The following SP1 variants were observed in gnomAD, a reference collection of about 807,000 sequenced individuals.
SP1 encodes the protein Sp1 transcription factor.
Under a neutral mutation model 66.3 loss-of-function variants are expected in SP1, and 6 were observed. The observed-to-expected ratio is 0.09, with a 90% confidence interval of 0.05 to 0.18. SP1 has a LOEUF of 0.18. Ranked by LOEUF, SP1 falls within the 10% of genes least tolerant of loss-of-function variation. The pLI is 1.00. For synonymous variants in SP1, 417 were observed against 360.8 expected (o/e 1.16, Z -1.77); for missense variants, 848 against 964.5 (o/e 0.88, Z 1.60).
intron 3 of SP1, among the ~76,000 whole-genome samples, chr12:53,403,414 A>G (rs1319609557): frequency 1.3e-5 from 2 of 152,050 alleles, no homozygotes; most frequent in East Asian, 1.9e-4. Flanking sequence ...ATGCAGTTGT[A>G]CAATCAGGAC....
chr12:53,404,806 G>A (rs2136914707), intron 3 of SP1, among the ~76,000 whole-genome samples: 1 of 151,974 alleles, frequency 6.6e-6, no homozygotes, highest in South Asian at 2.1e-4. Context: ...GAGTAGCTGG[G>A]ACCATAGGCG....
At chr12:53,394,409 CTTTTTTTTT>C (rs59816754) in intron 3 of SP1, among the ~76,000 whole-genome samples, 1 of 114,880 alleles carries the variant, frequency 8.7e-6, no homozygotes, top group African/African-American at 3.8e-5. Flanking sequence ...TTAAAAGTAT[CTTTTTTTTT>C]TTTTTTTTTT....
At chr12:53,386,355 C>A (rs1215150253) in intron 3 of SP1, among the ~76,000 whole-genome samples, 1 of 152,002 alleles carries the variant, frequency 6.6e-6, no homozygotes, top group Non-Finnish European at 1.5e-5. Context: ...AAGGGAAAAA[C>A]AGTCTGGGAA....
chr12:53,406,451 G>A (rs1464085950), intron 3 of SP1, 134 bp from the exon 4 acceptor site: 1 of 693,442 alleles, frequency 1.4e-6, no homozygotes, highest in African/African-American at 1.8e-5. Flanking sequence ...ACATAAAAAG[G>A]CTTCAAAACT....
chr12:53,401,356 C>A (rs1938606070), intron 3 of SP1, among the ~76,000 whole-genome samples: 1 of 148,532 alleles, frequency 6.7e-6, no homozygotes, highest in Non-Finnish European at 1.5e-5. Flanking sequence ...GAGGCTGAGG[C>A]AGGAGAATCA....
chr12:53,409,230 CAAA>C, intron 4 of SP1, 129 bp from the exon 5 acceptor site: 1 of 745,718 alleles, frequency 1.3e-6, no homozygotes, highest in Non-Finnish European at 2.2e-6. Context: ...CTCAAAAAAA[CAAA>C]AAAGAAGACT....
chr12:53,415,086 G>A lies in SP1; in HGVS notation c.*3846G>A, dbSNP rs572240338. Reference sequence around the variant, plus strand: ...TATGTACAAGGATGAAAGAAAGGTCGCAGCAGTAGCTTTGGGGAAAGGGAG... The same window carrying A: ...TATGTACAAGGATGAAAGAAAGGTCACAGCAGTAGCTTTGGGGAAAGGGAG... On this transcript the variant is annotated 3_prime_UTR_variant, in exon 6 of 6. Transcript: ENST00000327443. 3.3e-5 allele frequency: 5 copies of A among 152,674 alleles called. No individual in the cohort carries two copies. The highest frequency in any genetic ancestry group is 2.1e-4 in the South Asian group (1 of 4,816). The allele number at this position is 152,674 out of a possible 1,614,324, so 9.5% of individuals were successfully genotyped here.
rs1938926618 is a variant in SP1, at chr12:53,413,015, G to A, written c.*1775G>A. 6.6e-6 allele frequency: 1 copy of A among 152,336 alleles called. No individual in the cohort carries two copies. The allele number at this position is 152,336 out of a possible 1,614,324, so 9.4% of individuals were successfully genotyped here. A position where few individuals can be genotyped will look rare whatever the true frequency, so the allele number is the denominator to read the frequency against. ...TTTTCTGCTAGCCAATATTAAAAGAGACCTGCAATAAAAAAATTACCCTGA... is the reference window on the plus strand; with the variant it reads ...TTTTCTGCTAGCCAATATTAAAAGAAACCTGCAATAAAAAAATTACCCTGA... On this transcript the variant is annotated 3_prime_UTR_variant, in exon 6 of 6. Coordinates refer to ENST00000327443, the MANE Select transcript of SP1 (RefSeq NM_138473.3).
intron 3 of SP1, among the ~76,000 whole-genome samples, chr12:53,392,434 G>T (rs1458215997): frequency 7.8e-5 from 11 of 140,302 alleles, no homozygotes; most frequent in Non-Finnish European, 1.2e-4. Flanking sequence ...TCGGCTCACT[G>T]CAAGCTCCGC....
rs1938975090 is a variant in SP1, at chr12:53,415,386, A to T, written c.*4146A>T. 1 of 152,324 alleles carries T rather than the reference A, an allele frequency of 6.6e-6. No homozygotes were observed. 9.4% of individuals were successfully genotyped at this position (152,324 alleles called of 1,614,324 possible). A position where few individuals can be genotyped will look rare whatever the true frequency, so the allele number is the denominator to read the frequency against. On this transcript the variant is annotated 3_prime_UTR_variant, in exon 6 of 6. Transcript: ENST00000327443. ...CTACTCCCTCTTCCAAATTTGGCTCACTTGCCTTAGATCCAAGGCAGGGAA... is the reference window on the plus strand; with the variant it reads ...CTACTCCCTCTTCCAAATTTGGCTCTCTTGCCTTAGATCCAAGGCAGGGAA...
At position 53,382,324 on chromosome 12, in the gene SP1, G is replaced by T; in HGVS notation, c.377G>T (p.Ser126Ile). The T allele has an allele frequency of 6.2e-7, 1 of 1,614,176 alleles. No homozygotes were observed. The highest frequency in any genetic ancestry group is 8.5e-7 in the Non-Finnish European group (1 of 1,180,008). The change falls in exon 3 of 6, where the codon AGC becomes ATC. Residue 126 changes from serine (S) to isoleucine (I), a missense_variant. Transcript: ENST00000327443. ...CCTACCTCAAAGGAACAGAGTGGCAGCAGTACCAATGGCAGCAATGGCAGT... is the reference window on the plus strand; with the variant it reads ...CCTACCTCAAAGGAACAGAGTGGCATCAGTACCAATGGCAGCAATGGCAGT... ...ATPTSKEQSG[S>I]STNGSNGSES...
rs138952514 is a variant in SP1 at position 53,397,387 on chromosome 12, G to A, written c.1676-9198G>A. On this transcript the variant is annotated intron_variant, in intron 3 of 5. Transcript: ENST00000327443. ...ATTCCTGTCACCCATCTCATCCTCC[G>A]CTCAAAAACCCCAACACTTCAAAAA... Among the ~76,000 whole-genome samples, 1,178 of 151,244 alleles carry A rather than the reference G, an allele frequency of 7.8e-3. 7 individuals are homozygous for A. Among genetic ancestry groups the A allele is most frequent in the Middle Eastern group, 0.031 (9 of 288 alleles).
chr12:53,387,619 A>G (rs916748103), intron 3 of SP1, among the ~76,000 whole-genome samples: 1 of 152,190 alleles, frequency 6.6e-6, no homozygotes, highest in African/African-American at 2.4e-5. Context: ...CAACAGCCAG[A>G]GCTGAGGCTA....
Position 53,383,405 on chromosome 12 carries a change from A to G in SP1, c.1458A>G (p.Pro486=), listed in dbSNP as rs200943796. The part of the protein sequence containing the change: ...NPQAQTITLA[P]MQGVSLGQTS... ...AAGCCCAAACAATCACCTTAGCCCC[A>G]ATGCAGGGTGTTTCCTTGGGGCAGA... The change falls in exon 3 of 6, where the codon CCA becomes CCG. Residue 486 remains proline (P), a synonymous_variant. Coordinates refer to ENST00000327443, the MANE Select transcript of SP1 (RefSeq NM_138473.3). 1.9e-6 allele frequency: 3 copies of G among 1,614,188 alleles called. No individual in the cohort carries two copies. Among genetic ancestry groups the G allele is most frequent in the East Asian group, 4.5e-5 (2 of 44,892 alleles).
At position 53,381,599 on chromosome 12, in the gene SP1, T is replaced by C; in HGVS notation, c.8-60T>C. The C allele has an allele frequency of 6.1e-6, 9 of 1,477,952 alleles. No homozygotes were observed. In the South Asian group the frequency reaches 1.0e-4, roughly 17 times the overall value. The allele number at this position is 1,477,952 out of a possible 1,614,324, so 91.6% of individuals were successfully genotyped here. A position where few individuals can be genotyped will look rare whatever the true frequency, so the allele number is the denominator to read the frequency against. Reference sequence around the variant, plus strand: ...ATTTCATCATAGCCTCCTTTTATCCTTCCTACTTCATTTCTTTTCTTCCCT... The same window carrying C: ...ATTTCATCATAGCCTCCTTTTATCCCTCCTACTTCATTTCTTTTCTTCCCT... On this transcript the variant is annotated intron_variant, in intron 1 of 5. Transcript: ENST00000327443.
Position 53,411,184 on chromosome 12 carries a change from A to G in SP1, c.2302A>G (p.Asn768Asp). ...GIARLANSGI[N>D]VMQVADLQSI... ...TGCCCGTCTTGCCAACAGTGGCATC[A>G]ACGTCATGCAGGTGGCAGATCTGCA... Residue 768 changes from asparagine to aspartate, a missense_variant, in exon 6 of 6, where the codon AAC becomes GAC. Coordinates refer to ENST00000327443, the MANE Select transcript of SP1 (RefSeq NM_138473.3). 6.2e-7 allele frequency: 1 copy of G among 1,613,958 alleles called. No homozygotes were observed. Among genetic ancestry groups the G allele is most frequent in the Non-Finnish European group, 8.5e-7 (1 of 1,180,026 alleles).
intron 3 of SP1, among the ~76,000 whole-genome samples, chr12:53,400,651 C>T (rs1028712183): frequency 2.0e-5 from 3 of 151,686 alleles, no homozygotes; most frequent in Non-Finnish European, 2.9e-5. Context: ...TGGAGTGGTA[C>T]GCTCTAGGCT....
At chr12:53,395,673 A>G (rs1175692082) in intron 3 of SP1, among the ~76,000 whole-genome samples, 1 of 152,074 alleles carries the variant, frequency 6.6e-6, no homozygotes, top group East Asian at 1.9e-4. Context: ...TGAAACAGAT[A>G]AGGTTGCTGC....
chr12:53,411,251 C>A lies in SP1; in HGVS notation c.*11C>A. 6.2e-7 allele frequency: 1 copy of A among 1,602,564 alleles called. No individual in the cohort carries two copies. ...GGCAATGGCTTCTGAGATCAGGCACCCGGGGCCAGAGACATATGGGCCATA... is the reference window on the plus strand; with the variant it reads ...GGCAATGGCTTCTGAGATCAGGCACACGGGGCCAGAGACATATGGGCCATA... On this transcript the variant is annotated 3_prime_UTR_variant, in exon 6 of 6. Transcript: ENST00000327443.
Sources: gnomAD v4.1 joint callset for allele counts (sites outside exome capture counted in the v4.1 genomes callset) on GRCh38, gnomAD v4.1.1 for gene constraint, MANE v1.5 for transcripts, NCBI Gene and HGNC (gene_info 2026-07-23, HGNC 2026-07-21) for gene names.